Variants in TNNI3K observed in about 807,000 individuals in gnomAD.
TNNI3K encodes the protein serine/threonine-protein kinase TNNI3K.
In TNNI3K, 140 loss-of-function variants were observed where a neutral mutation model predicts 114.5. The observed-to-expected ratio is 1.22, with a 90% CI of 1.07 to 1.41. TNNI3K has a LOEUF of 1.41. Among genes scored for constraint, TNNI3K ranks in the 40% most tolerant of loss-of-function variants. The pLI, the probability that TNNI3K is intolerant of heterozygous loss-of-function variation, is 0.00. For missense variants in TNNI3K, 1,125 were observed against 1,007.6 expected (o/e 1.12, Z -1.58); for synonymous variants, 347 against 347.5 (o/e 1.00, Z 0.02).
intron 21 of TNNI3K, among the ~76,000 whole-genome samples, chr1:74,485,984 C>T (rs745732914): frequency 5.3e-5 from 8 of 152,016 alleles, no homozygotes; most frequent in Non-Finnish European, 8.8e-5. Context: ...GCAAAGGACC[C>T]GGCTAATCTA....
chr1:74,521,475 A>T (rs189373859), intron 23 of TNNI3K, among the ~76,000 whole-genome samples: 54 of 113,854 alleles, frequency 4.7e-4, no homozygotes, highest in South Asian at 1.3e-3. Flanking sequence ...TATCTCTCTC[A>T]CACACACACA....
chr1:74,480,161 C>T (rs896230404), intron 21 of TNNI3K: 18 of 716,296 alleles, frequency 2.5e-5, no homozygotes, highest in Non-Finnish European at 3.9e-5. Flanking sequence ...ACCTGCGAAG[C>T]CAAGGACAGT....
intron 5 of TNNI3K, among the ~76,000 whole-genome samples, chr1:74,280,165 G>A (rs957337977): frequency 5.9e-5 from 9 of 152,128 alleles, no homozygotes; most frequent in Admixed American, 2.6e-4. Context: ...GGCTGTTCAC[G>A]AGGTCAGGAG....
chr1:74,529,150 A>T (rs1444585731), intron 23 of TNNI3K, among the ~76,000 whole-genome samples: 1 of 152,248 alleles, frequency 6.6e-6, no homozygotes. Context: ...GTCTCAAAAT[A>T]CCTCCTCACA....
At chr1:74,398,314 A>G (rs188149555) in intron 17 of TNNI3K, among the ~76,000 whole-genome samples, 2 of 152,346 alleles carry the variant, frequency 1.3e-5, no homozygotes, top group East Asian at 1.9e-4. Context: ...AAGCAAACCC[A>G]TAATGAGAGA....
intron 11 of TNNI3K, among the ~76,000 whole-genome samples, chr1:74,357,827 GTC>G (rs1247344131): frequency 6.6e-6 from 1 of 151,992 alleles, no homozygotes; most frequent in Non-Finnish European, 1.5e-5. Flanking sequence ...AGCGATCGCT[GTC>G]TCACTCACTT....
At chr1:74,489,451 G>T (rs573386646) in intron 22 of TNNI3K, among the ~76,000 whole-genome samples, 6 of 152,110 alleles carry the variant, frequency 3.9e-5, no homozygotes, top group South Asian at 4.1e-4. Flanking sequence ...GAGTGAATTC[G>T]AGACCTTCCA....
chr1:74,401,748 T>C, intron 17 of TNNI3K: 1 of 423,520 alleles, frequency 2.4e-6, no homozygotes, highest in East Asian at 8.0e-5. Context: ...AGATTCGTCT[T>C]TGCCATGTAA....
intron 5 of TNNI3K, among the ~76,000 whole-genome samples, chr1:74,329,455 C>G (rs1180493358): frequency 6.6e-6 from 1 of 151,980 alleles, no homozygotes; most frequent in Admixed American, 6.6e-5. Flanking sequence ...GTATAGAAGC[C>G]TATGTACCTG....
chr1:74,467,222 T>A (rs995942990), intron 21 of TNNI3K, among the ~76,000 whole-genome samples: 2 of 152,188 alleles, frequency 1.3e-5, no homozygotes, highest in African/African-American at 4.8e-5. Context: ...ATTGTAGCCA[T>A]GGAGAGGTTA....
chr1:74,258,374 T>C (rs1655460026), intron 4 of TNNI3K, among the ~76,000 whole-genome samples: 1 of 152,248 alleles, frequency 6.6e-6, no homozygotes, highest in East Asian at 1.9e-4. Flanking sequence ...CTTCCTATTA[T>C]GCTTTGTGGC....
At chr1:74,461,580 T>A (rs1667458438) in intron 20 of TNNI3K, among the ~76,000 whole-genome samples, 1 of 151,934 alleles carries the variant, frequency 6.6e-6, no homozygotes, top group South Asian at 2.1e-4. Context: ...ACATATTTGA[T>A]AAGAACACAA....
rs1366846932 is a variant in TNNI3K at position 74,236,165 on chromosome 1, TG to T, written c.105del (p.Gln36ArgfsTer7). On this transcript the variant is annotated frameshift_variant, in exon 2 of 25. Transcript: ENST00000326637. LOFTEE classifies it high-confidence loss of function. ...VITIERLEDD[L>X]QIKEKELTEL... is the part of the protein sequence containing the mutation. The stretch of plus-strand genomic sequence containing the variant: ...ACAATAGAAAGATTAGAAGATGACC[TG>T]CAGATCAAGGAAAAAGAACTGACAG... 1 of 1,608,116 alleles carries T rather than the reference TG, an allele frequency of 6.2e-7. No individual in the cohort carries two copies. The highest frequency in any genetic ancestry group is 2.2e-5 in the East Asian group (1 of 44,564).
chr1:74,407,898 C>G (rs951818968), intron 17 of TNNI3K, among the ~76,000 whole-genome samples: 1 of 151,970 alleles, frequency 6.6e-6, no homozygotes, highest in African/African-American at 2.4e-5. Flanking sequence ...TTTTGCAGAC[C>G]CTACAGGTAT....
At chr1:74,272,285 A>T (rs1406115691) in intron 5 of TNNI3K, among the ~76,000 whole-genome samples, 1 of 151,948 alleles carries the variant, frequency 6.6e-6, no homozygotes, top group Non-Finnish European at 1.5e-5. Context: ...AGAATAAAAT[A>T]GACAATAAAG....
chr1:74,356,151 C>CT (rs1257170459), intron 11 of TNNI3K, among the ~76,000 whole-genome samples: 1 of 152,140 alleles, frequency 6.6e-6, no homozygotes, highest in African/African-American at 2.4e-5. Flanking sequence ...TTGTGTCTGG[C>CT]TTTTTTCAGC....
intron 7 of TNNI3K, among the ~76,000 whole-genome samples, chr1:74,339,916 T>C (rs1660668707): frequency 6.6e-6 from 1 of 152,134 alleles, no homozygotes; most frequent in Non-Finnish European, 1.5e-5. Context: ...ATAAATGCTA[T>C]ATTTCTTTAA....
At chr1:74,518,340 C>T (rs1206958145) in intron 23 of TNNI3K, among the ~76,000 whole-genome samples, 1 of 152,112 alleles carries the variant, frequency 6.6e-6, no homozygotes, top group Non-Finnish European at 1.5e-5. Flanking sequence ...TCCACATAGC[C>T]TCTTACTGTT....
intron 5 of TNNI3K, among the ~76,000 whole-genome samples, chr1:74,289,836 ACT>A (rs1657567536): frequency 6.6e-6 from 1 of 151,854 alleles, no homozygotes; most frequent in African/African-American, 2.4e-5. Flanking sequence ...CAAATGCATG[ACT>A]CTGACACCGA....
Sources: gnomAD v4.1 joint callset for allele counts (sites outside exome capture counted in the v4.1 genomes callset) on GRCh38, gnomAD v4.1.1 for gene constraint, MANE v1.5 for transcripts, NCBI Gene and HGNC (gene_info 2026-07-23, HGNC 2026-07-21) for gene names.